Variants in GALNT9 observed in about 807,000 individuals in gnomAD.
GALNT9 encodes polypeptide N-acetylgalactosaminyltransferase 9, also known as GalNAc transferase 9.
In GALNT9, 47 loss-of-function variants were observed where a neutral mutation model predicts 63.1. The observed-to-expected ratio is 0.75, with a 90% confidence interval of 0.59 to 0.95. The LOEUF (loss-of-function observed/expected upper bound fraction) is 0.95. GALNT9 is among the 40% of genes least tolerant of loss of function. The pLI, the probability that GALNT9 is intolerant of heterozygous loss-of-function variation, is 0.00. For synonymous variants in GALNT9, 396 were observed against 365.7 expected (o/e 1.08, Z -0.94); for missense variants, 829 against 874.8 (o/e 0.95, Z 0.66).
chr12:132,261,556 A>G (rs1194506110), intron 3 of GALNT9, among the ~76,000 whole-genome samples: 3 of 152,144 alleles, frequency 2.0e-5, no homozygotes, highest in African/African-American at 7.2e-5. Flanking sequence ...GGTCCTCCCC[A>G]CACACCACCT....
rs563711602 is a variant in GALNT9 at position 132,253,393 on chromosome 12, T to A, written c.959+4296A>T. Among the ~76,000 whole-genome samples, 533 of 152,026 alleles carry A rather than the reference T, an allele frequency of 3.5e-3. 2 individuals are homozygous for A. Among genetic ancestry groups the A allele is most frequent in the African/African-American group, 0.012 (513 of 41,450 alleles). On this transcript the variant is annotated intron_variant, in intron 5 of 10. Coordinates refer to ENST00000328957, the MANE Select transcript of GALNT9 (RefSeq NM_001122636.2). Reference sequence around the variant, plus strand: ...ACAGGTGCCTTCCCAGACACTGGCGTTACCGCTTGACCAAGGAGCCCTCAA... The same window carrying A: ...ACAGGTGCCTTCCCAGACACTGGCGATACCGCTTGACCAAGGAGCCCTCAA...
At position 132,235,096 on chromosome 12, in the gene GALNT9, ACACACTC is replaced by A. The variant is rs1877949296; in HGVS notation, c.1077+12807_1077+12813del. The stretch of plus-strand genomic sequence containing the variant: ...GAGACAGCGTGGAGTCCCTAGTGCC[ACACACTC>A]GATGGCGTGAGAGAGGAGACAGCGT... On this transcript the variant is annotated intron_variant, in intron 6 of 10. Transcript: ENST00000328957. Among the ~76,000 whole-genome samples the A allele has an allele frequency of 3.7e-3, 321 of 87,588 alleles. 73 individuals are homozygous for A. Among genetic ancestry groups the A allele is most frequent in the African/African-American group, 0.018 (302 of 16,570 alleles). 57.5% of individuals were successfully genotyped at this position (87,588 alleles called of 152,430 possible). A position where few individuals can be genotyped will look rare whatever the true frequency, so the allele number is the denominator to read the frequency against.
chr12:132,306,737 G>A (rs888880235), intron 1 of GALNT9, among the ~76,000 whole-genome samples: 6 of 152,276 alleles, frequency 3.9e-5, no homozygotes, highest in African/African-American at 9.6e-5. Flanking sequence ...GCTTCCTTTC[G>A]AGATTCAGGG....
chr12:132,219,817 G>A lies in GALNT9; in HGVS notation c.1078-16127C>T, dbSNP rs113426122. Among the ~76,000 whole-genome samples the A allele has an allele frequency of 1.6e-3, 237 of 147,078 alleles. 4 individuals are homozygous for A. Among genetic ancestry groups the A allele is most frequent in the African/African-American group, 5.6e-3 (218 of 38,666 alleles). ...GGGACACCTCCCCAGGGTGACACCCGCCCGGGTAAGGGGAAGGGGCACCTC... is the reference window on the plus strand; with the variant it reads ...GGGACACCTCCCCAGGGTGACACCCACCCGGGTAAGGGGAAGGGGCACCTC... On this transcript the variant is annotated intron_variant, in intron 6 of 10. Transcript: ENST00000328957.
chr12:132,300,404 C>A (rs1336332983), intron 1 of GALNT9, among the ~76,000 whole-genome samples: 14 of 134,864 alleles, frequency 1.0e-4, no homozygotes, highest in Non-Finnish European at 4.8e-5. Flanking sequence ...ACTCCCATAA[C>A]TCACCCACTC....
At chr12:132,304,878 C>G (rs1881515687) in intron 1 of GALNT9, among the ~76,000 whole-genome samples, 1 of 41,826 alleles carries the variant, frequency 2.4e-5, no homozygotes, top group Non-Finnish European at 4.1e-5. Context: ...CCCAGACACA[C>G]CCTCACCGGG....
At chr12:132,326,045 C>G (rs1205040367) in intron 1 of GALNT9, among the ~76,000 whole-genome samples, 1 of 152,282 alleles carries the variant, frequency 6.6e-6, no homozygotes, top group Non-Finnish European at 1.5e-5. Context: ...CGCATGGACA[C>G]AGGGGTAGGC....
rs568307254 is a variant in GALNT9, at chr12:132,261,574, C to T, written c.587-452G>A. ...CCTCCCCACACACCACCTTCTCCAG[C>T]GAGACAGGGCTCAGGAGGGCAGCCA... On this transcript the variant is annotated intron_variant, in intron 3 of 10. Coordinates refer to ENST00000328957, the MANE Select transcript of GALNT9 (RefSeq NM_001122636.2). Among the ~76,000 whole-genome samples, 11 of 152,318 alleles carry T rather than the reference C, an allele frequency of 7.2e-5. 1 individual carries two copies. The highest frequency in any genetic ancestry group is 2.1e-4 in the South Asian group (1 of 4,822).
intron 1 of GALNT9, among the ~76,000 whole-genome samples, chr12:132,308,093 G>A (rs1316397067): frequency 1.3e-5 from 2 of 152,124 alleles, no homozygotes; most frequent in East Asian, 1.9e-4. Flanking sequence ...AGGGAGATTC[G>A]ACACAGACAG....
rs973012584 is a variant in GALNT9, at chr12:132,203,358, A to C, written c.1263+147T>G. On this transcript the variant is annotated intron_variant, in intron 7 of 10. Coordinates refer to ENST00000328957, the MANE Select transcript of GALNT9 (RefSeq NM_001122636.2). Reference sequence around the variant, plus strand: ...AGCTCACCCACTCACACCTGCACACACAACTGCTTGCACCTGTGCACACCT... The same window carrying C: ...AGCTCACCCACTCACACCTGCACACCCAACTGCTTGCACCTGTGCACACCT... 3.0e-5 allele frequency: 20 copies of C among 669,930 alleles called. No homozygotes were observed. In the Admixed American group the frequency reaches 4.4e-4, roughly 15 times the overall value. The allele number at this position is 669,930 out of a possible 1,614,324, so 41.5% of individuals were successfully genotyped here. A position where few individuals can be genotyped will look rare whatever the true frequency, so the allele number is the denominator to read the frequency against.
At chr12:132,201,014 A>C in intron 8 of GALNT9, 110 bp downstream of exon 8, 1 of 1,084,786 alleles carries the variant, frequency 9.2e-7, no homozygotes, top group Non-Finnish European at 1.3e-6. Flanking sequence ...GGGAGGCGCT[A>C]CCTCTCCGTG....
chr12:132,201,493 G>A (rs576893099), intron 7 of GALNT9, among the ~76,000 whole-genome samples: 104 of 152,296 alleles, frequency 6.8e-4, no homozygotes, highest in African/African-American at 2.3e-3. Flanking sequence ...GCCAGCCCCG[G>A]CCTGGACAGA....
chr12:132,323,826 G>C (rs1555246301), intron 1 of GALNT9, among the ~76,000 whole-genome samples: 1 of 152,240 alleles, frequency 6.6e-6, no homozygotes, highest in African/African-American at 2.4e-5. Context: ...CGGGGGCCCG[G>C]AAGTTAATGA....
chr12:132,198,339 G>T (rs1164471807), intron 9 of GALNT9, among the ~76,000 whole-genome samples: 5 of 152,176 alleles, frequency 3.3e-5, no homozygotes, highest in Admixed American at 1.3e-4. Context: ...CATTCCCGTG[G>T]GGTTAGAAAC....
rs550355613 is a variant in GALNT9, at chr12:132,221,051, CAAAAA to C, written c.1078-17366_1078-17362del. ...CAGCCTGGTGAGAGTGAGATTGTGT[CAAAAA>C]AAAAAAAAAAAAAAAAGGTCTGGGC... On this transcript the variant is annotated intron_variant, in intron 6 of 10. Transcript: ENST00000328957. Among the ~76,000 whole-genome samples the C allele has an allele frequency of 9.6e-3, 679 of 71,002 alleles. 15 individuals carry two copies. The highest frequency in any genetic ancestry group is 0.037 in the African/African-American group (584 of 15,814). The allele number at this position is 71,002 out of a possible 152,430, so 46.6% of individuals were successfully genotyped here. A position where few individuals can be genotyped will look rare whatever the true frequency, so the allele number is the denominator to read the frequency against.
chr12:132,272,936 C>T (rs1239954549), intron 2 of GALNT9: 1 of 152,352 alleles, frequency 6.6e-6, no homozygotes, highest in Admixed American at 6.5e-5. Flanking sequence ...AGCTCGACGC[C>T]ATGGCCACTG....
intron 1 of GALNT9, among the ~76,000 whole-genome samples, chr12:132,311,033 C>G (rs553580567): frequency 6.6e-6 from 1 of 152,184 alleles, no homozygotes; most frequent in African/African-American, 2.4e-5. Flanking sequence ...GTGAGCCAGA[C>G]CAACCTGCCT....
intron 6 of GALNT9, among the ~76,000 whole-genome samples, chr12:132,225,179 A>G: frequency 7.0e-6 from 1 of 143,774 alleles, no homozygotes; most frequent in African/African-American, 2.6e-5. Context: ...CACACAACCC[A>G]CACACTGTAC....
rs551285251 is a variant in GALNT9, at chr12:132,315,904, T to C, written c.238+13062A>G. On this transcript the variant is annotated intron_variant, in intron 1 of 10. Transcript: ENST00000328957. This position sits in a 1 kb window ranked among gnomAD's most constrained non-coding sequence, Gnocchi z 6.1. ...TGCTGGGCCCATTCCGAGATGCCAA[T>C]GGGGACTTGGAGCATGAGAAAGCGG... 6.6e-6 allele frequency among the ~76,000 whole-genome samples: 1 copy of C among 152,198 alleles called. No individual in the cohort carries two copies. The highest frequency in any genetic ancestry group is 1.9e-4 in the East Asian group (1 of 5,180).
Sources: allele counts gnomAD v4.1 joint callset (sites outside exome capture counted in the v4.1 genomes callset), GRCh38; gene constraint gnomAD v4.1.1; non-coding constraint Gnocchi (gnomAD v3.1); transcripts MANE v1.5; gene names NCBI Gene and HGNC (gene_info 2026-07-23, HGNC 2026-07-21).